The following KLHL17 variants were observed in gnomAD, a reference collection of about 807,000 sequenced individuals.
The protein encoded by KLHL17 is kelch like family member 17.
In KLHL17, 71 loss-of-function variants were observed where a neutral mutation model predicts 64.6. The observed-to-expected ratio is 1.10, with a 90% CI of 0.91 to 1.34. The LOEUF (loss-of-function observed/expected upper bound fraction) is 1.34. Ranked by LOEUF, KLHL17 falls within the 40% of genes most tolerant of loss-of-function variation. The probability of loss-of-function intolerance (pLI) is 0.00; values close to 1 mark genes in which losing one functional copy is unlikely to be tolerated. For synonymous variants in KLHL17, 612 were observed against 405.4 expected (o/e 1.51, Z -6.12); for missense variants, 1,140 against 935.0 (o/e 1.22, Z -2.86).
rs1642662372 is a variant in KLHL17, at chr1:961,758, C to T, written c.489+8C>T. 1.2e-6 allele frequency: 2 copies of T among 1,611,716 alleles called. No individual in the cohort carries two copies. Among genetic ancestry groups the T allele is most frequent in the East Asian group, 2.2e-5 (1 of 44,786 alleles). On this transcript the variant is annotated splice_region_variant and intron_variant, in intron 3 of 11. Transcript: ENST00000338591. Reference sequence around the variant, plus strand: ...GGCGAGGGCAATGTGCAGGTGAGGGCTCCCTCACCCGGATCCCGGTGTCCC... The same window carrying T: ...GGCGAGGGCAATGTGCAGGTGAGGGTTCCCTCACCCGGATCCCGGTGTCCC...
intron 8 of KLHL17, 171 bp downstream of exon 8, chr1:963,675 A>G: frequency 1.1e-6 from 1 of 887,056 alleles, no homozygotes; most frequent in East Asian, 2.7e-5. Context: ...TTGCTGCCCC[A>G]GTGCCCTTTC....
chr1:964,194 C>T lies in KLHL17; in HGVS notation c.1518+14C>T, dbSNP rs1048602957. ...TATGAGCCCCAGGTGCATAGTGCAC[C>T]CCTCCTGGCCACCCCCTCCCGTGCG... On this transcript the variant is annotated intron_variant, in intron 10 of 11. Transcript: ENST00000338591. 44 of 1,612,404 alleles carry T rather than the reference C, an allele frequency of 2.7e-5. No individual in the cohort carries two copies. The highest frequency in any genetic ancestry group is 3.4e-5 in the Non-Finnish European group (40 of 1,179,724).
intron 10 of KLHL17, 26 bp from the exon 11 acceptor site, chr1:964,323 C>A: frequency 6.5e-7 from 1 of 1,548,078 alleles, no homozygotes; most frequent in South Asian, 1.2e-5. Flanking sequence ...GGCGGGTCTG[C>A]GTCCAGCCCA....
rs1443694664 is a variant in KLHL17 at position 960,638 on chromosome 1, C to A, written c.-56C>A. Reference sequence around the variant, plus strand: ...CCGCCGAGCAGCCCTCCGGCAGTCTCCGCGTCCGTTAAGCCCGCGGGTCCT... The same window carrying A: ...CCGCCGAGCAGCCCTCCGGCAGTCTACGCGTCCGTTAAGCCCGCGGGTCCT... On this transcript the variant is annotated 5_prime_UTR_variant, in exon 1 of 12. Coordinates refer to ENST00000338591, the MANE Select transcript of KLHL17 (RefSeq NM_198317.3). 5 of 1,295,324 alleles carry A rather than the reference C, an allele frequency of 3.9e-6. No homozygotes were observed. The highest frequency in any genetic ancestry group is 4.9e-6 in the Non-Finnish European group (5 of 1,013,512). The allele number at this position is 1,295,324 out of a possible 1,614,324, so 80.2% of individuals were successfully genotyped here.
intron 6 of KLHL17, 40 bp from the exon 7 acceptor site, chr1:963,069 G>A (rs747971499): frequency 2.5e-6 from 4 of 1,602,894 alleles, no homozygotes; most frequent in Non-Finnish European, 2.6e-6. Context: ...CCCAGCAGTG[G>A]GATCCACTCA....
intron 1 of KLHL17, 103 bp from the exon 2 acceptor site, chr1:961,190 G>T (rs979747754): frequency 1.0e-5 from 9 of 873,940 alleles, no homozygotes; most frequent in African/African-American, 7.1e-5. Flanking sequence ...CGCCCCCGTC[G>T]CACCAGGGGC....
chr1:965,153 T>C lies in KLHL17; in HGVS notation c.1891T>C (p.Ser631Pro). 1.9e-6 allele frequency: 3 copies of C among 1,612,368 alleles called. No homozygotes were observed. The highest frequency in any genetic ancestry group is 2.5e-6 in the Non-Finnish European group (3 of 1,179,838). ...VLELLNFPPP[S>P]SPTLSVSSTS... ...GGAGCTGCTCAATTTCCCGCCGCCA[T>C]CCTCCCCGACGCTGTCCGTGTCCTC... is the stretch of plus-strand genomic sequence containing the variant. Residue 631 changes from serine to proline, a missense_variant, in exon 12 of 12, where the codon TCC (serine) becomes CCC (proline). Coordinates refer to ENST00000338591, the MANE Select transcript of KLHL17 (RefSeq NM_198317.3).
In KLHL17 at chr1:965,332, T is replaced by C. The variant is rs977855511; in HGVS notation, c.*141T>C. 6 of 688,910 alleles carry C rather than the reference T, an allele frequency of 8.7e-6. No homozygotes were observed. The highest frequency in any genetic ancestry group is 1.4e-5 in the Non-Finnish European group (6 of 427,954). The allele number at this position is 688,910 out of a possible 1,614,324, so 42.7% of individuals were successfully genotyped here. A position where few individuals can be genotyped will look rare whatever the true frequency, so the allele number is the denominator to read the frequency against. ...ATTTAGTTGTTTATTTATTTAGTTATTTATCTTATTTATTGAGGGGTGAGG... is the reference window on the plus strand; with the variant it reads ...ATTTAGTTGTTTATTTATTTAGTTACTTATCTTATTTATTGAGGGGTGAGG... On this transcript the variant is annotated 3_prime_UTR_variant, in exon 12 of 12. Transcript: ENST00000338591.
At position 963,321 on chromosome 1, in the gene KLHL17, G is replaced by A; in HGVS notation, c.1188-16G>A. 1 of 1,604,670 alleles carries A rather than the reference G, an allele frequency of 6.2e-7. No homozygotes were observed. On this transcript the variant is annotated splice_polypyrimidine_tract_variant and intron_variant, in intron 7 of 11. Transcript: ENST00000338591. ...CGCCAGGCCAGTCTTGACCTGCAGT[G>A]GCTTAATTCCGCTAGCTATGATGGG...
rs561674613 is a variant in KLHL17 at position 965,644 on chromosome 1, G to A, written c.*453G>A. On this transcript the variant is annotated 3_prime_UTR_variant, in exon 12 of 12. Transcript: ENST00000338591. ...TGCCATCTTTCCTGGATCTTGTAGTGGGTGCACACGCGTGCACTGGGACCC... is the reference window on the plus strand; with the variant it reads ...TGCCATCTTTCCTGGATCTTGTAGTAGGTGCACACGCGTGCACTGGGACCC... 2.7e-5 allele frequency: 5 copies of A among 184,640 alleles called. No homozygotes were observed. The South Asian group carries it at 5.1e-4, about 19-fold the overall frequency. 11.4% of individuals were successfully genotyped at this position (184,640 alleles called of 1,614,324 possible).
At chr1:961,173 C>T (rs1168850455) in intron 1 of KLHL17, 120 bp from the exon 2 acceptor site, 3 of 689,326 alleles carry the variant, frequency 4.4e-6, no homozygotes, top group African/African-American at 1.9e-5. Context: ...CAGGCGAGGG[C>T]TGCCGGCGCC....
Position 960,781 on chromosome 1 carries a change from C to G in KLHL17, c.88C>G (p.Pro30Ala), listed in dbSNP as rs2100410267. Reference protein sequence around the residue: ...PGPGPEAPPPPPPQPPAPEAE... With the variant: ...PGPGPEAPPPAPPQPPAPEAE... Reference sequence around the variant, plus strand: ...GCCCGGGCCCGAGGCGCCGCCGCCTCCACCGCCGCAGCCGCCGGCGTGAGT... The same window carrying G: ...GCCCGGGCCCGAGGCGCCGCCGCCTGCACCGCCGCAGCCGCCGGCGTGAGT... Residue 30 changes from proline (P) to alanine (A), a missense_variant, in exon 1 of 12, where the codon CCA (proline) becomes GCA (alanine). Coordinates refer to ENST00000338591, the MANE Select transcript of KLHL17 (RefSeq NM_198317.3). The G allele has an allele frequency of 1.8e-6, 2 of 1,100,486 alleles. No homozygotes were observed. The highest frequency in any genetic ancestry group is 2.2e-6 in the Non-Finnish European group (2 of 902,448). The allele number at this position is 1,100,486 out of a possible 1,614,324, so 68.2% of individuals were successfully genotyped here. A position where few individuals can be genotyped will look rare whatever the true frequency, so the allele number is the denominator to read the frequency against.
Position 964,088 on chromosome 1 carries a change from G to C in KLHL17, c.1445-19G>C. ...CCCACTCCCAGCAGGAGTGCCACGGGTGTGTTGACTTCCGGCAGATGGGAA... is the reference window on the plus strand; with the variant it reads ...CCCACTCCCAGCAGGAGTGCCACGGCTGTGTTGACTTCCGGCAGATGGGAA... On this transcript the variant is annotated intron_variant, in intron 9 of 11. Coordinates refer to ENST00000338591, the MANE Select transcript of KLHL17 (RefSeq NM_198317.3). 1 of 1,612,672 alleles carries C rather than the reference G, an allele frequency of 6.2e-7. No individual in the cohort carries two copies. The highest frequency in any genetic ancestry group is 1.1e-5 in the South Asian group (1 of 91,092).
In KLHL17 at chr1:963,994, G is replaced by T; in HGVS notation, c.1430G>T (p.Arg477Leu). The T allele has an allele frequency of 6.2e-7, 1 of 1,612,636 alleles. No homozygotes were observed. Among genetic ancestry groups the T allele is most frequent in the Non-Finnish European group, 8.5e-7 (1 of 1,179,940 alleles). ...AAMSTRRRYV[R>L]VATLDGNLYA... ...ATGAGCACCCGGAGGCGCTATGTGC[G>T]AGTGGCCACGCTTGGTGGGTGATGG... is the stretch of plus-strand genomic sequence containing the variant. The change falls in exon 9 of 12, where the codon CGA becomes CTA. Residue 477 changes from arginine (R) to leucine (L), a missense_variant. Arg to Leu is a moderately radical substitution (Grantham distance 102, BLOSUM62 -2). Coordinates refer to ENST00000338591, the MANE Select transcript of KLHL17 (RefSeq NM_198317.3).
In KLHL17 at chr1:963,196, C is replaced by G; in HGVS notation, c.1130C>G (p.Thr377Arg). 1 of 1,608,280 alleles carries G rather than the reference C, an allele frequency of 6.2e-7. No homozygotes were observed. The highest frequency in any genetic ancestry group is 8.5e-7 in the Non-Finnish European group (1 of 1,176,780). The change falls in exon 7 of 12, where the codon ACG (threonine) becomes AGG (arginine). Residue 377 changes from threonine (T) to arginine (R), a missense_variant. Transcript: ENST00000338591. ...TGGCACGTGGTGGCCTCCATGTCCA[C>G]GCGCCGGGCCCGGGTGGGAGTGGCT... ...DRWHVVASMS[T>R]RRARVGVAAV... is the part of the protein sequence containing the mutation.
In KLHL17 at chr1:965,277, A is replaced by G. The variant is rs1354196689; in HGVS notation, c.*86A>G. 22 of 992,226 alleles carry G rather than the reference A, an allele frequency of 2.2e-5. No individual in the cohort carries two copies. Among genetic ancestry groups the G allele is most frequent in the Admixed American group, 2.4e-5 (1 of 41,968 alleles). The allele number at this position is 992,226 out of a possible 1,614,324, so 61.5% of individuals were successfully genotyped here. A position where few individuals can be genotyped will look rare whatever the true frequency, so the allele number is the denominator to read the frequency against. On this transcript the variant is annotated 3_prime_UTR_variant, in exon 12 of 12. Coordinates refer to ENST00000338591, the MANE Select transcript of KLHL17 (RefSeq NM_198317.3). ...CAGGGACGTCCTGCGCCATCCGTTC[A>G]CGTCTCTGCATCCATTCCTTCATGT...
chr1:962,568 C>T, intron 5 of KLHL17, 97 bp downstream of exon 5: 1 of 1,541,214 alleles, frequency 6.5e-7, no homozygotes, highest in South Asian at 1.2e-5. Context: ...TTCAGGGACT[C>T]CGTGGGGGTG....
rs371157901 is a variant in KLHL17, at chr1:962,355, G to A, written c.712G>A (p.Val238Ile). 8 of 1,612,572 alleles carry A rather than the reference G, an allele frequency of 5.0e-6. No homozygotes were observed. The highest frequency in any genetic ancestry group is 2.2e-5 in the East Asian group (1 of 44,890). Residue 238 changes from valine (V) to isoleucine (I), a missense_variant and splice_region_variant, in exon 5 of 12, where the codon GTT becomes ATT. By Grantham distance (29) the Val-to-Ile change is conservative. Coordinates refer to ENST00000338591, the MANE Select transcript of KLHL17 (RefSeq NM_198317.3). ...CAGGTCTGAGGACCCCCACTCCCAG[G>A]TTCTGGAACTGGTCTCTAGCGACAG... Reference protein sequence around the residue: ...EEFMLLPLKQVLELVSSDSLN... With the variant: ...EEFMLLPLKQILELVSSDSLN...
At chr1:960,823 G>T (rs1189314065) in intron 1 of KLHL17, 23 bp downstream of exon 1, 2 of 992,892 alleles carry the variant, frequency 2.0e-6, no homozygotes, top group African/African-American at 1.8e-5. Flanking sequence ...GGGTCGGGGC[G>T]CGGGGGGCGG....
Sources: gnomAD v4.1 joint callset for allele counts on GRCh38, gnomAD v4.1.1 for gene constraint, MANE v1.5 for transcripts, NCBI Gene and HGNC (gene_info 2026-07-23, HGNC 2026-07-21) for gene names.